ABLIM2: variants seen among roughly 807,000 people sequenced by gnomAD.
ABLIM2 encodes the protein actin-binding LIM protein 2.
A neutral mutation model predicts 97.7 loss-of-function variants in ABLIM2; 53 were observed. That is an observed-to-expected ratio of 0.54 (90% CI 0.44 to 0.68). The LOEUF is 0.68. ABLIM2 is among the 30% of genes least tolerant of loss of function. The pLI, the probability that ABLIM2 is intolerant of heterozygous loss-of-function variation, is 0.00. For missense variants in ABLIM2, 835 were observed against 867.2 expected (o/e 0.96, Z 0.47); for synonymous variants, 361 against 345.8 (o/e 1.04, Z -0.49).
In ABLIM2 at chr4:8,002,429, G is replaced by C. The variant is rs999318337; in HGVS notation, c.1618+5630C>G. 3.9e-5 allele frequency among the ~76,000 whole-genome samples: 6 copies of C among 152,224 alleles called. No homozygotes were observed. Among genetic ancestry groups the C allele is most frequent in the Non-Finnish European group, 1.5e-5 (1 of 68,046 alleles). ...AGGGCCCCCCACTGCTTTTGTGGGA[G>C]CCCTTTTCCTCTCGCCCTGACTGGG... On this transcript the variant is annotated intron_variant, in intron 16 of 20. Coordinates refer to ENST00000447017, the MANE Select transcript of ABLIM2 (RefSeq NM_001130083.2). This position sits in a 1 kb window ranked among gnomAD's most constrained non-coding sequence, Gnocchi z 6.1.
At chr4:8,097,005 G>C (rs539325973) in intron 3 of ABLIM2, 94 bp downstream of exon 3, 2 of 1,422,192 alleles carry the variant, frequency 1.4e-6, no homozygotes, top group Non-Finnish European at 1.9e-6. Flanking sequence ...GGCGGGTCAC[G>C]GGAGGGAGCA....
At position 8,004,708 on chromosome 4, in the gene ABLIM2, T is replaced by C. The variant is rs1345561271; in HGVS notation, c.1618+3351A>G. Among the ~76,000 whole-genome samples, 1 of 152,208 alleles carries C rather than the reference T, an allele frequency of 6.6e-6. No homozygotes were observed. Among genetic ancestry groups the C allele is most frequent in the Non-Finnish European group, 1.5e-5 (1 of 68,040 alleles). On this transcript the variant is annotated intron_variant, in intron 16 of 20. Coordinates refer to ENST00000447017, the MANE Select transcript of ABLIM2 (RefSeq NM_001130083.2). This position sits in a 1 kb window ranked among gnomAD's most constrained non-coding sequence, Gnocchi z 5.9. ...TCCTCCCCCAAGGCAGCGAGTCTTGTTCTAGAAAACTTCCTATAACATAAA... is the reference window on the plus strand; with the variant it reads ...TCCTCCCCCAAGGCAGCGAGTCTTGCTCTAGAAAACTTCCTATAACATAAA...
At chr4:8,048,761 G>A (rs1177610134) in intron 8 of ABLIM2, among the ~76,000 whole-genome samples, 2 of 152,084 alleles carry the variant, frequency 1.3e-5, no homozygotes, top group East Asian at 1.9e-4. Context: ...TTTTCCAAAG[G>A]AGACCCACCT....
Position 8,036,169 on chromosome 4 carries a change from C to T in ABLIM2, c.1027G>A (p.Asp343Asn), listed in dbSNP as rs768462513. 8 of 1,613,708 alleles carry T rather than the reference C, an allele frequency of 5.0e-6. No individual in the cohort carries two copies. In the East Asian group the frequency reaches 6.7e-5, roughly 13 times the overall value. The change falls in exon 10 of 21, where the codon GAC becomes AAC. Residue 343 changes from aspartate (D) to asparagine (N), a missense_variant. Transcript: ENST00000447017. The stretch of plus-strand genomic sequence containing the variant: ...CATACCTCGCCGTAGCTCTGCCTGT[C>T]CCCTGCAGAGTGGCTGATGTAGGGT... ...YSPYISHSAG[D>N]RQSYGEGDQD...
chr4:8,107,362 C>T (rs1196256907), intron 1 of ABLIM2, among the ~76,000 whole-genome samples: 2 of 152,264 alleles, frequency 1.3e-5, no homozygotes, highest in African/African-American at 2.4e-5. Context: ...CAGAGGGCCA[C>T]GGCCCAGAAG....
intron 3 of ABLIM2, among the ~76,000 whole-genome samples, chr4:8,091,204 A>T (rs1390813799): frequency 7.1e-6 from 1 of 140,504 alleles, no homozygotes; most frequent in Non-Finnish European, 1.5e-5. Flanking sequence ...TGTAGTTTTC[A>T]TTTGCATACC....
At chr4:8,074,174 C>A (rs1236298865) in intron 6 of ABLIM2, among the ~76,000 whole-genome samples, 1 of 150,072 alleles carries the variant, frequency 6.7e-6, no homozygotes, top group African/African-American at 2.5e-5. Flanking sequence ...CTAGACCCTG[C>A]AGGGTGCGGT....
chr4:8,058,385 T>A lies in ABLIM2; in HGVS notation c.763+2582A>T, dbSNP rs538991211. ...GCCTGAGAAAGGCAGGCCTGTGTGATCCACGGCCCTGTGACAATGGCCGCA... is the reference window on the plus strand; with the variant it reads ...GCCTGAGAAAGGCAGGCCTGTGTGAACCACGGCCCTGTGACAATGGCCGCA... On this transcript the variant is annotated intron_variant, in intron 7 of 20. Coordinates refer to ENST00000447017, the MANE Select transcript of ABLIM2 (RefSeq NM_001130083.2). This position sits in a 1 kb window ranked among gnomAD's most constrained non-coding sequence, Gnocchi z 4.2. Among the ~76,000 whole-genome samples the A allele has an allele frequency of 6.6e-6, 1 of 152,140 alleles. No individual in the cohort carries two copies. Among genetic ancestry groups the A allele is most frequent in the Non-Finnish European group, 1.5e-5 (1 of 68,012 alleles).
At chr4:8,031,100 G>T (rs1204274935) in intron 10 of ABLIM2, among the ~76,000 whole-genome samples, 1 of 152,244 alleles carries the variant, frequency 6.6e-6, no homozygotes, top group Non-Finnish European at 1.5e-5. Context: ...ACTCCTAAGG[G>T]CTGGACTGGG....
intron 6 of ABLIM2, among the ~76,000 whole-genome samples, chr4:8,066,343 AG>A (rs1807375339): frequency 1.1e-5 from 1 of 87,354 alleles, no homozygotes; most frequent in South Asian, 5.0e-4. Flanking sequence ...GGAGGGAGGG[AG>A]AGAGGGAGGG....
rs4429721 is a variant in ABLIM2, at chr4:8,075,535, C to A, written c.675+2093G>T. On this transcript the variant is annotated intron_variant, in intron 6 of 20. Transcript: ENST00000447017. This position sits in a 1 kb window ranked among gnomAD's most constrained non-coding sequence, Gnocchi z 4.4. Reference sequence around the variant, plus strand: ...TAGTGAGACCCTGTCTCTACAAAAACTACAAAAATTAGCCAGGTGTGGTGG... The same window carrying A: ...TAGTGAGACCCTGTCTCTACAAAAAATACAAAAATTAGCCAGGTGTGGTGG... 0.89 allele frequency among the ~76,000 whole-genome samples: 135,736 copies of A among 152,050 alleles called. 60,754 individuals are homozygous for A. The highest frequency in any genetic ancestry group is 0.96 in the East Asian group (4,961 of 5,148).
chr4:8,035,883 T>G (rs1784210825), intron 10 of ABLIM2, among the ~76,000 whole-genome samples: 1 of 152,252 alleles, frequency 6.6e-6, no homozygotes, highest in Non-Finnish European at 1.5e-5. Context: ...CAAACCAGCA[T>G]GCTTCCTACT....
Position 8,001,918 on chromosome 4 carries a change from A to G in ABLIM2, c.1618+6141T>C, listed in dbSNP as rs991760432. 6.6e-6 allele frequency among the ~76,000 whole-genome samples: 1 copy of G among 152,018 alleles called. No homozygotes were observed. Among genetic ancestry groups the G allele is most frequent in the Non-Finnish European group, 1.5e-5 (1 of 67,988 alleles). ...CACCTGCCCGCTTGTCAGCACACAC[A>G]TGTGCGTGCTCTCTCTCTCTTTTTC... On this transcript the variant is annotated intron_variant, in intron 16 of 20. Coordinates refer to ENST00000447017, the MANE Select transcript of ABLIM2 (RefSeq NM_001130083.2). This position sits in a 1 kb window ranked among gnomAD's most constrained non-coding sequence, Gnocchi z 4.2.
intron 7 of ABLIM2, among the ~76,000 whole-genome samples, chr4:8,057,096 TTC>T (rs914654283): frequency 6.9e-6 from 1 of 145,500 alleles, no homozygotes; most frequent in Non-Finnish European, 1.5e-5. Flanking sequence ...TTTTCTTTCT[TTC>T]TTTTTTTTTT....
intron 8 of ABLIM2, among the ~76,000 whole-genome samples, chr4:8,053,733 C>T (rs184900160): frequency 3.3e-5 from 5 of 152,228 alleles, no homozygotes; most frequent in African/African-American, 1.2e-4. Context: ...AGTGACTGTT[C>T]ATGAGGGCTC....
At position 8,155,559 on chromosome 4, in the gene ABLIM2, C is replaced by T. The variant is rs1715027734; in HGVS notation, c.10+3121G>A. Among the ~76,000 whole-genome samples, 1 of 152,192 alleles carries T rather than the reference C, an allele frequency of 6.6e-6. No homozygotes were observed. Among genetic ancestry groups the T allele is most frequent in the Non-Finnish European group, 1.5e-5 (1 of 68,040 alleles). On this transcript the variant is annotated intron_variant, in intron 1 of 20. Coordinates refer to ENST00000447017, the MANE Select transcript of ABLIM2 (RefSeq NM_001130083.2). The surrounding 1 kb of genome is among the most constrained non-coding windows in gnomAD (Gnocchi z 4.2). Reference sequence around the variant, plus strand: ...AGCCAGCCACAAGGCCGCCCTTGGCCCCGCACCCCTGTTATGGACTGAATT... The same window carrying T: ...AGCCAGCCACAAGGCCGCCCTTGGCTCCGCACCCCTGTTATGGACTGAATT...
Position 8,044,107 on chromosome 4 carries a change from G to A in ABLIM2, c.900+1057C>T, listed in dbSNP as rs1364052692. On this transcript the variant is annotated intron_variant, in intron 9 of 20. Transcript: ENST00000447017. This position sits in a 1 kb window ranked among gnomAD's most constrained non-coding sequence, Gnocchi z 4.4. ...CCTGTGTCCAACCACTATGAGAGAG[G>A]AGGGTCGAAAAGAAGCACAGCAGAC... Among the ~76,000 whole-genome samples the A allele has an allele frequency of 6.6e-6, 1 of 152,242 alleles. No homozygotes were observed. The highest frequency in any genetic ancestry group is 1.5e-5 in the Non-Finnish European group (1 of 68,042).
rs1459508555 is a variant in ABLIM2, at chr4:7,992,603, C to A, written c.1680+263G>T. ...TCACTCTGGGTGGCCCTTGTCTCCC[C>A]TGCTCCCACACACTGAGCTCTCCCT... On this transcript the variant is annotated intron_variant, in intron 17 of 20. Coordinates refer to ENST00000447017, the MANE Select transcript of ABLIM2 (RefSeq NM_001130083.2). The surrounding 1 kb of genome is among the most constrained non-coding windows in gnomAD (Gnocchi z 5.7). 6.6e-6 allele frequency among the ~76,000 whole-genome samples: 1 copy of A among 152,150 alleles called. No individual in the cohort carries two copies. Among genetic ancestry groups the A allele is most frequent in the Non-Finnish European group, 1.5e-5 (1 of 68,036 alleles).
rs534952513 is a variant in ABLIM2, at chr4:8,071,362, T to C, written c.675+6266A>G. Among the ~76,000 whole-genome samples the C allele has an allele frequency of 6.6e-6, 1 of 151,930 alleles. No individual in the cohort carries two copies. Among genetic ancestry groups the C allele is most frequent in the Admixed American group, 6.6e-5 (1 of 15,266 alleles). On this transcript the variant is annotated intron_variant, in intron 6 of 20. Transcript: ENST00000447017. The surrounding 1 kb of genome is among the most constrained non-coding windows in gnomAD (Gnocchi z 6.2). ...GCTCATCAGGACAGACACCCAGAGA[T>C]GGGTGGGATGCAGGCCAACATGCAT...
Sources: gnomAD v4.1 joint callset for allele counts (sites outside exome capture counted in the v4.1 genomes callset) on GRCh38, gnomAD v4.1.1 for gene constraint, Gnocchi (gnomAD v3.1) non-coding constraint, MANE v1.5 for transcripts, NCBI Gene and HGNC (gene_info 2026-07-23, HGNC 2026-07-21) for gene names.